Variants in SPATA16 observed in about 807,000 individuals in gnomAD.
SPATA16 encodes spermatogenesis associated 16.
SPATA16 carries 36 observed loss-of-function variants against 63.3 expected under a neutral mutation model. The observed-to-expected ratio is 0.57, with a 90% CI of 0.44 to 0.75. The LOEUF (loss-of-function observed/expected upper bound fraction) is 0.75, where lower values mean the gene tolerates loss of function less well. SPATA16 is among the 30% of genes least tolerant of loss of function. The pLI, the probability that SPATA16 is intolerant of heterozygous loss-of-function variation, is 0.00. For synonymous variants in SPATA16, 203 were observed against 216.7 expected, an observed-to-expected ratio of 0.94 and a Z score of 0.56; for missense variants, 646 against 679.3, an observed-to-expected ratio of 0.95 and a Z score of 0.54.
At chr3:172,966,954 T>A (rs966883532) in intron 5 of SPATA16, among the ~76,000 whole-genome samples, 1 of 152,140 alleles carries the variant, frequency 6.6e-6, no homozygotes. Context: ...AAGATAACCA[T>A]AAAACCCTCT....
intron 5 of SPATA16, among the ~76,000 whole-genome samples, chr3:172,964,035 GAAAC>G (rs1387623728): frequency 6.6e-6 from 1 of 152,026 alleles, no homozygotes; most frequent in Non-Finnish European, 1.5e-5. Context: ...CACAAACAGA[GAAAC>G]AAACAGACCA....
chr3:173,128,115 G>A (rs909426072), intron 1 of SPATA16, among the ~76,000 whole-genome samples: 2 of 152,102 alleles, frequency 1.3e-5, no homozygotes, highest in African/African-American at 2.4e-5. Context: ...CTAGAGAGGC[G>A]GCACATCCAT....
chr3:173,019,451 G>A (rs757214273), intron 4 of SPATA16, 35 bp downstream of exon 4: 2 of 1,536,044 alleles, frequency 1.3e-6, no homozygotes, highest in Non-Finnish European at 1.8e-6. Flanking sequence ...AATTTGACTT[G>A]ATATAAATCC....
chr3:172,932,311 A>C (rs980313840), intron 6 of SPATA16, among the ~76,000 whole-genome samples: 25 of 152,108 alleles, frequency 1.6e-4, no homozygotes, highest in Admixed American at 1.3e-4. Context: ...TTACTTTTCT[A>C]TAAGTTTCAT....
chr3:172,956,614 A>G, intron 6 of SPATA16, 63 bp downstream of exon 6: 1 of 1,548,714 alleles, frequency 6.5e-7, no homozygotes. Flanking sequence ...ACCAGAAAGA[A>G]CCCTGTATTT....
chr3:173,117,737 C>G lies in SPATA16; in HGVS notation c.-6G>C. 1 of 1,614,068 alleles carries G rather than the reference C, an allele frequency of 6.2e-7. No individual in the cohort carries two copies. The highest frequency in any genetic ancestry group is 1.1e-5 in the South Asian group (1 of 91,072). On this transcript the variant is annotated 5_prime_UTR_variant, in exon 2 of 11. Transcript: ENST00000351008. ...CTACTGCTTCCTGCATCCATCGATC[C>G]TGCCCAAAACTCCTGCAGGGGGGAG...
rs191126496 is a variant in SPATA16 at position 172,910,137 on chromosome 3, A to T, written c.1587+3524T>A. On this transcript the variant is annotated intron_variant, in intron 10 of 10. Transcript: ENST00000351008. ...GAGACAGAGTCTCACTCTGTCGCCC[A>T]GGCTGGAGTGCAGTGGTGCGATCTT... 5.7e-3 allele frequency among the ~76,000 whole-genome samples: 751 copies of T among 132,098 alleles called. 8 individuals are homozygous for T. The highest frequency in any genetic ancestry group is 0.021 in the African/African-American group (709 of 34,398). 86.7% of individuals were successfully genotyped at this position (132,098 alleles called of 152,430 possible).
intron 3 of SPATA16, among the ~76,000 whole-genome samples, chr3:173,021,082 C>A (rs1735320474): frequency 6.6e-6 from 1 of 152,108 alleles, no homozygotes; most frequent in Non-Finnish European, 1.5e-5. Flanking sequence ...GAAAATAATT[C>A]AATTCCCAGA....
At chr3:173,012,744 G>A (rs946454030) in intron 4 of SPATA16, among the ~76,000 whole-genome samples, 1 of 152,128 alleles carries the variant, frequency 6.6e-6, no homozygotes, top group African/African-American at 2.4e-5. Context: ...AATGAAACTG[G>A]ACCACTACCT....
chr3:172,956,725 C>A lies in SPATA16; in HGVS notation c.1033G>T (p.Asp345Tyr). ...IRADKIEKVK[D>Y]AFTKTHPAYA... ...GCAGGATGAGTTTTTGTGAAAGCAT[C>A]TTTTACTTTTTCTATTTTATCAGCT... The change falls in exon 6 of 11, where the codon GAT (aspartate) becomes TAT (tyrosine). Residue 345 changes from aspartate to tyrosine, a missense_variant. Asp to Tyr is a radical substitution (Grantham distance 160). Coordinates refer to ENST00000351008, the MANE Select transcript of SPATA16 (RefSeq NM_031955.6). 6.2e-7 allele frequency: 1 copy of A among 1,612,906 alleles called. No homozygotes were observed. Among genetic ancestry groups the A allele is most frequent in the Non-Finnish European group, 8.5e-7 (1 of 1,179,428 alleles).
At chr3:173,005,181 A>G (rs1207021998) in intron 4 of SPATA16, among the ~76,000 whole-genome samples, 1 of 151,974 alleles carries the variant, frequency 6.6e-6, no homozygotes, top group Non-Finnish European at 1.5e-5. Context: ...AACGTCAACC[A>G]GGCATGGTGG....
chr3:173,005,474 TTA>T (rs980423251), intron 4 of SPATA16, among the ~76,000 whole-genome samples: 2 of 152,148 alleles, frequency 1.3e-5, no homozygotes, highest in African/African-American at 4.8e-5. Context: ...TGACTTTTCT[TTA>T]ATATGCAAGG....
intron 2 of SPATA16, among the ~76,000 whole-genome samples, chr3:173,066,010 G>C (rs1231922889): frequency 2.0e-5 from 3 of 152,154 alleles, no homozygotes; most frequent in Non-Finnish European, 4.4e-5. Flanking sequence ...CACTGGCCAT[G>C]GTAGTCAAGG....
intron 1 of SPATA16, among the ~76,000 whole-genome samples, chr3:173,132,584 G>A (rs1044122045): frequency 6.6e-6 from 1 of 152,140 alleles, no homozygotes; most frequent in Non-Finnish European, 1.5e-5. Flanking sequence ...TTGTGAGAGT[G>A]TAAACAGAGT....
rs114189817 is a variant in SPATA16 at position 173,105,643 on chromosome 3, C to T, written c.612+11477G>A. 7.2e-3 allele frequency among the ~76,000 whole-genome samples: 1,092 copies of T among 152,260 alleles called. 13 individuals are homozygous for T. Among genetic ancestry groups the T allele is most frequent in the African/African-American group, 0.025 (1,031 of 41,540 alleles). ...GGTCATGAACTTTCCCCTGTGCTTC[C>T]GGCATGTTTCCAGCTAACAAATGTG... On this transcript the variant is annotated intron_variant, in intron 2 of 10. Coordinates refer to ENST00000351008, the MANE Select transcript of SPATA16 (RefSeq NM_031955.6).
At chr3:173,037,098 A>G (rs1264487614) in intron 3 of SPATA16, among the ~76,000 whole-genome samples, 1 of 152,034 alleles carries the variant, frequency 6.6e-6, no homozygotes, top group East Asian at 1.9e-4. Context: ...TTTGAGGATC[A>G]CTATACAAGT....
chr3:173,015,216 A>G (rs1159846142), intron 4 of SPATA16, among the ~76,000 whole-genome samples: 1 of 152,118 alleles, frequency 6.6e-6, no homozygotes, highest in Non-Finnish European at 1.5e-5. Context: ...GGTGTCTGCC[A>G]GCATGCCTGG....
chr3:173,002,214 G>C (rs949709046), intron 4 of SPATA16, among the ~76,000 whole-genome samples: 2 of 152,080 alleles, frequency 1.3e-5, no homozygotes, highest in Non-Finnish European at 2.9e-5. Flanking sequence ...ATATAGGGTA[G>C]GGTTATATAA....
intron 4 of SPATA16, among the ~76,000 whole-genome samples, chr3:173,002,992 T>A (rs990652782): frequency 1.3e-5 from 2 of 152,162 alleles, no homozygotes; most frequent in Non-Finnish European, 2.9e-5. Context: ...GAGCTTGATA[T>A]TGAAGAAGAT....
Sources: allele counts gnomAD v4.1 joint callset (sites outside exome capture counted in the v4.1 genomes callset), GRCh38; gene constraint gnomAD v4.1.1; transcripts MANE v1.5; gene names NCBI Gene and HGNC (gene_info 2026-07-23, HGNC 2026-07-21).